PTPN4: variants seen among roughly 807,000 people sequenced by gnomAD.
The protein encoded by PTPN4 is protein tyrosine phosphatase non-receptor type 4.
PTPN4 carries 49 observed loss-of-function variants against 135.5 expected under a neutral mutation model. The ratio of observed to expected loss-of-function variants is 0.36; its 90% confidence interval spans 0.29 to 0.46. PTPN4 has a LOEUF of 0.46. Ranked by LOEUF, PTPN4 falls within the 20% of genes least tolerant of loss-of-function variation. The pLI, the probability that PTPN4 is intolerant of heterozygous loss-of-function variation, is 1.00. For missense variants in PTPN4, 860 were observed against 1,101.0 expected, an observed-to-expected ratio of 0.78 and a Z score of 3.10; for synonymous variants, 333 against 369.9, an observed-to-expected ratio of 0.90 and a Z score of 1.14.
At chr2:119,847,704 T>C (rs906747515) in intron 2 of PTPN4, among the ~76,000 whole-genome samples, 1 of 152,204 alleles carries the variant, frequency 6.6e-6, no homozygotes, top group African/African-American at 2.4e-5. Context: ...TATCACTGTC[T>C]GGGGTCACTT....
intron 1 of PTPN4, among the ~76,000 whole-genome samples, chr2:119,801,900 G>GTTTTTTTTTT (rs768983862): frequency 1.0e-5 from 1 of 98,794 alleles, no homozygotes; most frequent in African/African-American, 3.8e-5. Context: ...CTTTCTTTCC[G>GTTTTTTTTTT]TTTTTTTTTT....
intron 2 of PTPN4, among the ~76,000 whole-genome samples, chr2:119,820,310 T>C (rs1167411711): frequency 1.3e-5 from 2 of 152,362 alleles, no homozygotes; most frequent in Admixed American, 6.5e-5. Context: ...TGATCTGTTC[T>C]TTGGGAAAGG....
chr2:119,774,981 C>T (rs2104923468), intron 1 of PTPN4, among the ~76,000 whole-genome samples: 1 of 151,154 alleles, frequency 6.6e-6, no homozygotes, highest in East Asian at 1.9e-4. Context: ...CGCGCCACTG[C>T]ACTCCAGCCT....
intron 1 of PTPN4, among the ~76,000 whole-genome samples, chr2:119,784,752 G>C (rs1426696186): frequency 7.1e-6 from 1 of 141,112 alleles, no homozygotes; most frequent in East Asian, 2.0e-4. Context: ...TGCCCAGGGT[G>C]GTCTCGAACT....
chr2:119,820,679 G>A (rs1484364279), intron 2 of PTPN4, among the ~76,000 whole-genome samples: 2 of 151,998 alleles, frequency 1.3e-5, no homozygotes, highest in Non-Finnish European at 2.9e-5. Context: ...AACTCAAATT[G>A]GATAGTTCAG....
In PTPN4 at chr2:119,977,133, A is replaced by G; in HGVS notation, c.*63A>G. On this transcript the variant is annotated 3_prime_UTR_variant, in exon 27 of 27. Coordinates refer to ENST00000263708, the MANE Select transcript of PTPN4 (RefSeq NM_002830.4). ...CTTTCCCTTATGTTCACTGTGCCAT[A>G]ATGCTGCTCGCAGGAAATGGCATTT... 1 of 1,467,054 alleles carries G rather than the reference A, an allele frequency of 6.8e-7. No individual in the cohort carries two copies. The highest frequency in any genetic ancestry group is 9.0e-7 in the Non-Finnish European group (1 of 1,110,618). The allele number at this position is 1,467,054 out of a possible 1,614,324, so 90.9% of individuals were successfully genotyped here.
Position 119,777,236 on chromosome 2 carries a change from C to G in PTPN4, c.-18+16852C>G, listed in dbSNP as rs1191088435. The stretch of plus-strand genomic sequence containing the variant: ...TCTGCCTTGAACACCCACCTTTCTC[C>G]CAAGTGTTCCAGGCAGATGGAGTAT... On this transcript the variant is annotated intron_variant, in intron 1 of 26. Transcript: ENST00000263708. Among the ~76,000 whole-genome samples the G allele has an allele frequency of 2.6e-5, 4 of 152,162 alleles. No individual in the cohort carries two copies. In the South Asian group the frequency reaches 8.3e-4, roughly 32 times the overall value.
Position 119,806,611 on chromosome 2 carries a change from C to G in PTPN4, c.-17-3226C>G, listed in dbSNP as rs560242303. ...AGAGACCTGCAAAGAGACTTAGACT[C>G]CCACACAATAATAATGGAAGACTTT... On this transcript the variant is annotated intron_variant, in intron 1 of 26. Coordinates refer to ENST00000263708, the MANE Select transcript of PTPN4 (RefSeq NM_002830.4). Among the ~76,000 whole-genome samples, 63 of 152,234 alleles carry G rather than the reference C, an allele frequency of 4.1e-4. 1 individual carries two copies. The highest frequency in any genetic ancestry group is 1.7e-3 in the Admixed American group (26 of 15,294).
At chr2:119,827,114 C>T (rs1677157443) in intron 2 of PTPN4, among the ~76,000 whole-genome samples, 1 of 152,182 alleles carries the variant, frequency 6.6e-6, no homozygotes, top group South Asian at 2.1e-4. Flanking sequence ...TTTGTTTTGT[C>T]TGTAGCCGTA....
chr2:119,858,682 T>C (rs1166418536), intron 2 of PTPN4, among the ~76,000 whole-genome samples: 1 of 152,028 alleles, frequency 6.6e-6, no homozygotes, highest in Non-Finnish European at 1.5e-5. Flanking sequence ...GGAGTCTCGC[T>C]CTGTTGCCCA....
chr2:119,959,757 C>T (rs973726331), intron 22 of PTPN4, among the ~76,000 whole-genome samples: 10 of 152,222 alleles, frequency 6.6e-5, no homozygotes, highest in South Asian at 4.2e-4. Context: ...TAGATATTCT[C>T]CCTAAGTAAG....
intron 15 of PTPN4, among the ~76,000 whole-genome samples, chr2:119,938,094 C>T (rs1006424334): frequency 2.0e-5 from 3 of 150,452 alleles, no homozygotes; most frequent in East Asian, 3.9e-4. Flanking sequence ...AAAGTTAACA[C>T]GAATAGTACT....
chr2:119,948,683 T>C (rs1215155042), intron 18 of PTPN4, among the ~76,000 whole-genome samples: 1 of 152,150 alleles, frequency 6.6e-6, no homozygotes, highest in Non-Finnish European at 1.5e-5. Context: ...AAAATGCTCA[T>C]CGTTAAAGTT....
chr2:119,823,479 C>T (rs1265324783), intron 2 of PTPN4, among the ~76,000 whole-genome samples: 5 of 152,106 alleles, frequency 3.3e-5, no homozygotes, highest in Admixed American at 6.5e-5. Context: ...GTGATCCACC[C>T]GCCTCGGCCT....
intron 1 of PTPN4, among the ~76,000 whole-genome samples, chr2:119,773,334 T>C (rs1574325713): frequency 6.6e-6 from 1 of 152,140 alleles, no homozygotes; most frequent in South Asian, 2.1e-4. Flanking sequence ...CACTTATACG[T>C]GGATTTTTTT....
At chr2:119,817,503 G>A (rs559737339) in intron 2 of PTPN4, among the ~76,000 whole-genome samples, 38 of 151,884 alleles carry the variant, frequency 2.5e-4, no homozygotes, top group Non-Finnish European at 4.0e-4. Flanking sequence ...TGGGCTTTCT[G>A]TTCTGTTCCA....
chr2:119,911,581 A>G (rs1184317224), intron 10 of PTPN4, among the ~76,000 whole-genome samples: 1 of 152,166 alleles, frequency 6.6e-6, no homozygotes, highest in Non-Finnish European at 1.5e-5. Flanking sequence ...TTTATATAAG[A>G]TGAGGAAAAT....
chr2:119,925,552 C>T (rs1409792349), intron 12 of PTPN4, among the ~76,000 whole-genome samples: 1 of 152,110 alleles, frequency 6.6e-6, no homozygotes, highest in African/African-American at 2.4e-5. Flanking sequence ...ACTTTTTAAT[C>T]ATCCAAGTGG....
chr2:119,898,648 A>G (rs892035712), intron 9 of PTPN4, among the ~76,000 whole-genome samples: 4 of 152,160 alleles, frequency 2.6e-5, no homozygotes, highest in African/African-American at 9.7e-5. Flanking sequence ...CAGTATTAAT[A>G]AGTGATATGA....
Sources: gnomAD v4.1 joint callset for allele counts (sites outside exome capture counted in the v4.1 genomes callset) on GRCh38, gnomAD v4.1.1 for gene constraint, MANE v1.5 for transcripts, NCBI Gene and HGNC (gene_info 2026-07-23, HGNC 2026-07-21) for gene names.